Variants in DRC7 observed in about 807,000 individuals in gnomAD.
DRC7 encodes coiled-coil domain containing 135.
In DRC7, 80 loss-of-function variants were observed where a neutral mutation model predicts 104.4. The ratio of observed to expected loss-of-function variants is 0.77; its 90% CI spans 0.64 to 0.92. The LOEUF (loss-of-function observed/expected upper bound fraction) is 0.92. DRC7 is among the 40% of genes least tolerant of loss of function. DRC7 has a pLI of 0.00. For synonymous variants in DRC7, 405 were observed against 447.3 expected, an observed-to-expected ratio of 0.91 and a Z score of 1.19; for missense variants, 1,034 against 1,141.1, an observed-to-expected ratio of 0.91 and a Z score of 1.35.
intron 7 of DRC7, 85 bp from the exon 8 acceptor site, chr16:57,707,375 G>A (rs1233810128): frequency 7.7e-7 from 1 of 1,300,558 alleles, no homozygotes; most frequent in African/African-American, 1.5e-5. Flanking sequence ...TCTCCTGCTG[G>A]TTCCCCAGCC....
At chr16:57,704,852 C>T (rs1378824375) in intron 6 of DRC7, 24 bp from the exon 7 acceptor site, 3 of 1,611,772 alleles carry the variant, frequency 1.9e-6, no homozygotes, top group African/African-American at 2.7e-5. Flanking sequence ...GGCCACTGAC[C>T]CTTCCTCTTC....
chr16:57,700,688 G>A, intron 5 of DRC7, among the ~76,000 whole-genome samples: 2 of 146,444 alleles, frequency 1.4e-5, no homozygotes, highest in South Asian at 2.2e-4. Flanking sequence ...AATGGACTTA[G>A]AGACCTGGAG....
At chr16:57,729,357 A>T (rs115934867) in intron 17 of DRC7, among the ~76,000 whole-genome samples, 5,877 of 103,796 alleles carry the variant, frequency 0.057, 388 homozygotes, top group East Asian at 0.29. Flanking sequence ...TGAGTGAGTG[A>T]GTGAGTGGGC....
In DRC7 at chr16:57,702,079, C is replaced by T. The variant is rs1326262329; in HGVS notation, c.648C>T (p.Cys216=). 6.2e-7 allele frequency: 1 copy of T among 1,614,158 alleles called. No homozygotes were observed. The highest frequency in any genetic ancestry group is 8.5e-7 in the Non-Finnish European group (1 of 1,180,020). The part of the protein sequence containing the change: ...CVNGYGSLDL[C]HMDLTREVCP... ...ACGGCTACGGCTCGCTGGACCTGTGCCACATGGACCTGACGCGGGAGGTGT... is the reference window on the plus strand; with the variant it reads ...ACGGCTACGGCTCGCTGGACCTGTGTCACATGGACCTGACGCGGGAGGTGT... The change falls in exon 6 of 19, where the codon TGC becomes TGT. Residue 216 remains cysteine (C), a synonymous_variant. Coordinates refer to ENST00000360716, the MANE Select transcript of DRC7 (RefSeq NM_001289162.2).
At chr16:57,702,757 G>A (rs1263252816) in intron 6 of DRC7, among the ~76,000 whole-genome samples, 1 of 152,118 alleles carries the variant, frequency 6.6e-6, no homozygotes, top group African/African-American at 2.4e-5. Context: ...AACTGAGATT[G>A]CGCCATTGCA....
rs765396434 is a variant in DRC7 at position 57,730,933 on chromosome 16, G to C, written c.2394G>C (p.Glu798Asp). The C allele has an allele frequency of 2.2e-5, 35 of 1,613,048 alleles. No individual in the cohort carries two copies. The highest frequency in any genetic ancestry group is 8.3e-5 in the Admixed American group (5 of 59,978). Residue 798 changes from glutamate to aspartate, a missense_variant and splice_region_variant, in exon 18 of 19, where the codon GAG becomes GAC. By Grantham distance (45) the Glu-to-Asp change is conservative. Transcript: ENST00000360716. ...ANLIQARFEK[E>D]TQELQKKQQW... ...CTCTGTCTGCCCTATGACCACAGGA[G>C]ACCCAGGAGCTGCAAAAGAAGCAGC...
chr16:57,729,277 G>T (rs1204081700), intron 17 of DRC7, among the ~76,000 whole-genome samples: 1 of 150,670 alleles, frequency 6.6e-6, no homozygotes, highest in Non-Finnish European at 1.5e-5. Context: ...TGGATGGATG[G>T]GTGGATGGAT....
intron 2 of DRC7, among the ~76,000 whole-genome samples, chr16:57,696,975 C>T (rs1460987059): frequency 1.3e-5 from 2 of 152,132 alleles, no homozygotes; most frequent in East Asian, 1.9e-4. Flanking sequence ...TGCAGTGGTG[C>T]GATCTCAACT....
chr16:57,721,877 A>C (rs58935089), intron 10 of DRC7, 138 bp downstream of exon 10: 96,047 of 599,464 alleles, frequency 0.16, 8,136 homozygotes, highest in East Asian at 0.28. Context: ...CTTCAGCTGC[A>C]CCCTCCCTCC....
At chr16:57,716,121 G>C (rs1232353047) in intron 8 of DRC7, among the ~76,000 whole-genome samples, 1 of 152,200 alleles carries the variant, frequency 6.6e-6, no homozygotes, top group South Asian at 2.1e-4. Context: ...TTTTTCTAAA[G>C]AAATAGAACT....
intron 8 of DRC7, among the ~76,000 whole-genome samples, chr16:57,709,585 T>A (rs1171371749): frequency 6.6e-6 from 1 of 152,198 alleles, no homozygotes; most frequent in African/African-American, 2.4e-5. Flanking sequence ...ATCTATTAAA[T>A]GATCATAATT....
chr16:57,720,968 T>C (rs2048895831), intron 9 of DRC7, among the ~76,000 whole-genome samples: 1 of 151,872 alleles, frequency 6.6e-6, no homozygotes, highest in Admixed American at 6.6e-5. Context: ...GAGGCCAAGG[T>C]GGGCATATCA....
intron 6 of DRC7, among the ~76,000 whole-genome samples, chr16:57,703,673 C>G (rs1221980890): frequency 6.6e-6 from 1 of 152,170 alleles, no homozygotes; most frequent in Non-Finnish European, 1.5e-5. Context: ...GCTTCAAAAG[C>G]CTCTGGCTGG....
intron 1 of DRC7, 52 bp downstream of exon 1, chr16:57,694,904 A>G (rs1455921891): frequency 2.0e-5 from 3 of 152,158 alleles, no homozygotes; most frequent in Admixed American, 2.0e-4. Context: ...TGGCAGGGAA[A>G]GGGTGAGGCT....
intron 3 of DRC7, among the ~76,000 whole-genome samples, chr16:57,698,377 C>G (rs1242336707): frequency 6.6e-6 from 1 of 152,102 alleles, no homozygotes; most frequent in Non-Finnish European, 1.5e-5. Flanking sequence ...TGCCTCAGTG[C>G]CTTTATCTGT....
chr16:57,703,378 T>C (rs80026669), intron 6 of DRC7, among the ~76,000 whole-genome samples: 1,767 of 152,300 alleles, frequency 0.012, 29 homozygotes, highest in African/African-American at 0.04. Context: ...ATAGTCATGC[T>C]ACAGACAGAA....
At chr16:57,711,756 C>T (rs974438095) in intron 8 of DRC7, among the ~76,000 whole-genome samples, 1 of 152,168 alleles carries the variant, frequency 6.6e-6, no homozygotes, top group African/African-American at 2.4e-5. Flanking sequence ...TTAGGGACAA[C>T]TTGGTGGGTT....
intron 7 of DRC7, among the ~76,000 whole-genome samples, 191 bp from the exon 8 acceptor site, chr16:57,707,269 G>T (rs2048741979): frequency 6.6e-6 from 1 of 152,196 alleles, no homozygotes; most frequent in South Asian, 2.1e-4. Flanking sequence ...CTCTCCCATT[G>T]TTTTGATTTT....
intron 2 of DRC7, among the ~76,000 whole-genome samples, chr16:57,697,102 G>A (rs192212068): frequency 2.0e-5 from 3 of 152,030 alleles, no homozygotes; most frequent in South Asian, 2.1e-4. Context: ...TAGTAGAGAC[G>A]GGGTTTCGCC....
Sources: gnomAD v4.1 joint callset for allele counts (sites outside exome capture counted in the v4.1 genomes callset) on GRCh38, gnomAD v4.1.1 for gene constraint, MANE v1.5 for transcripts, NCBI Gene and HGNC (gene_info 2026-07-23, HGNC 2026-07-21) for gene names.